GRB7: variants seen among roughly 807,000 people sequenced by gnomAD.
GRB7 encodes the protein growth factor receptor-bound protein 7.
Under a neutral mutation model 64.1 loss-of-function variants are expected in GRB7, and 47 were observed. The ratio of observed to expected loss-of-function variants is 0.73; its 90% CI spans 0.58 to 0.94. GRB7 has a LOEUF of 0.94. Among genes scored for constraint, GRB7 ranks in the 40% least tolerant of loss-of-function variants. GRB7 has a pLI of 0.00. For synonymous variants in GRB7, 277 were observed against 279.9 expected (o/e 0.99, Z 0.10); for missense variants, 634 against 718.4 (o/e 0.88, Z 1.34).
chr17:39,739,632 C>T (rs1001206981), intron 1 of GRB7, among the ~76,000 whole-genome samples: 5 of 152,254 alleles, frequency 3.3e-5, no homozygotes, highest in Admixed American at 2.0e-4. Context: ...ACACCGGGCC[C>T]CGCCACCTGC....
At chr17:39,745,673 T>A in intron 11 of GRB7, 55 bp from the exon 12 acceptor site, 1 of 1,593,346 alleles carries the variant, frequency 6.3e-7, no homozygotes, top group South Asian at 1.1e-5. Context: ...CCTGAGGTGC[T>A]GGGTAATGCC....
At position 39,745,332 on chromosome 17, in the gene GRB7, G is replaced by A; in HGVS notation, c.1092+9G>A. ...TGGGCTCCCCACCCTTGGTGAGTGT[G>A]CCCAAGGGGATGGGAGGGTGGGTAT... On this transcript the variant is annotated intron_variant, in intron 10 of 14. Coordinates refer to ENST00000309156, the MANE Select transcript of GRB7 (RefSeq NM_005310.5). 2 of 1,603,094 alleles carry A rather than the reference G, an allele frequency of 1.2e-6. No individual in the cohort carries two copies. The highest frequency in any genetic ancestry group is 1.7e-6 in the Non-Finnish European group (2 of 1,171,030).
intron 7 of GRB7, 56 bp from the exon 8 acceptor site, chr17:39,744,496 GA>G: frequency 1.4e-6 from 2 of 1,380,276 alleles, no homozygotes; most frequent in African/African-American, 1.4e-5. Flanking sequence ...CTTGTGGGGG[GA>G]GGTAATAGTG....
chr17:39,746,460 T>C (rs576390899), intron 14 of GRB7, among the ~76,000 whole-genome samples: 1 of 151,732 alleles, frequency 6.6e-6, no homozygotes, highest in Admixed American at 6.6e-5. Flanking sequence ...CTACAAATAA[T>C]TTAAAAATGA....
rs1056005895 is a variant in GRB7 at position 39,746,811 on chromosome 17, C to T, written c.1513C>T (p.Leu505=). The change falls in exon 15 of 15, where the codon CTG becomes TTG. Residue 505 remains leucine (L), a synonymous_variant. Transcript: ENST00000309156. ...MDDGQTRFTD[L]LQLVEFHQLN... is the part of the protein sequence containing the mutation. ...TGATGGCCAGACCCGCTTCACTGACCTGCTGCAGCTCGTGGAGTTCCACCA... is the reference window on the plus strand; with the variant it reads ...TGATGGCCAGACCCGCTTCACTGACTTGCTGCAGCTCGTGGAGTTCCACCA... 5 of 1,613,888 alleles carry T rather than the reference C, an allele frequency of 3.1e-6. No individual in the cohort carries two copies. The African/African-American group carries it at 6.7e-5, about 22-fold the overall frequency.
chr17:39,744,885 G>A lies in GRB7; in HGVS notation c.913-1G>A. 1 of 1,613,460 alleles carries A rather than the reference G, an allele frequency of 6.2e-7. No homozygotes were observed. The highest frequency in any genetic ancestry group is 1.7e-4 in the Middle Eastern group (1 of 6,060). ...GACCAGTCAATTTCCTCTCTCTGCA[G>A]CCCAACAAGCTTCGAAATGGCCACA... On this transcript the variant is annotated splice_acceptor_variant, in intron 8 of 14. Transcript: ENST00000309156. LOFTEE classifies it high-confidence loss of function.
At chr17:39,742,513 G>A in intron 2 of GRB7, 53 bp from the exon 3 acceptor site, 2 of 1,612,906 alleles carry the variant, frequency 1.2e-6, no homozygotes, top group Non-Finnish European at 1.7e-6. Context: ...ACAGAGGCTT[G>A]CAGGCCACTG....
rs1490465764 is a variant in GRB7 at position 39,742,810 on chromosome 17, T to C, written c.307-88T>C. The C allele has an allele frequency of 5.0e-5, 76 of 1,525,380 alleles. 1 individual carries two copies. The Admixed American group carries it at 1.6e-3, about 32-fold the overall frequency. The allele number at this position is 1,525,380 out of a possible 1,614,324, so 94.5% of individuals were successfully genotyped here. A position where few individuals can be genotyped will look rare whatever the true frequency, so the allele number is the denominator to read the frequency against. ...TTCCATGGAGGCAGGGGATCTTGGT[T>C]AGGAGTCCCTGAGGGTCTAGCAGGT... is the stretch of plus-strand genomic sequence containing the variant. On this transcript the variant is annotated intron_variant, in intron 3 of 14. Coordinates refer to ENST00000309156, the MANE Select transcript of GRB7 (RefSeq NM_005310.5).
chr17:39,745,193 C>A, intron 9 of GRB7, 50 bp from the exon 10 acceptor site: 1 of 1,473,540 alleles, frequency 6.8e-7, no homozygotes, highest in Non-Finnish European at 9.2e-7. Context: ...GTCACAGCCA[C>A]GCCCCCAGGA....
In GRB7 at chr17:39,741,320, AGGATGGCCTG is replaced by A. The variant is rs537340231; in HGVS notation, c.-50-929_-50-920del. 1.3e-4 allele frequency among the ~76,000 whole-genome samples: 20 copies of A among 152,252 alleles called. 1 individual carries two copies. The South Asian group carries it at 4.1e-3, about 32-fold the overall frequency. On this transcript the variant is annotated intron_variant, in intron 1 of 14. Transcript: ENST00000309156. ...GGGCTTCAGGAAAGAGTTGGGCAGG[AGGATGGCCTG>A]GGGAGGGTACGCAAGGTTTGGGGGC...
At position 39,745,458 on chromosome 17, in the gene GRB7, T is replaced by C; in HGVS notation, c.1129T>C (p.Phe377Leu). Residue 377 changes from phenylalanine to leucine, a missense_variant, in exon 11 of 15, where the codon TTC becomes CTC. Physicochemically the swap from Phe to Leu is conservative, Grantham distance 22 (BLOSUM62 0). Coordinates refer to ENST00000309156, the MANE Select transcript of GRB7 (RefSeq NM_005310.5). ...ASDNTLVAMD[F>L]SGHAGRVIEN... ...AGATAATACCCTGGTGGCCATGGAC[T>C]TCTCTGGCCATGCTGGGCGTGTCAT... 2 of 1,614,094 alleles carry C rather than the reference T, an allele frequency of 1.2e-6. No individual in the cohort carries two copies. Among genetic ancestry groups the C allele is most frequent in the Non-Finnish European group, 1.7e-6 (2 of 1,179,998 alleles).
chr17:39,743,342 T>C (rs945747389), intron 5 of GRB7, 41 bp downstream of exon 5: 1 of 1,614,108 alleles, frequency 6.2e-7, no homozygotes, highest in African/African-American at 1.3e-5. Flanking sequence ...GATGCCCTGA[T>C]CCTCAACCTG....
At chr17:39,743,951 C>A in intron 6 of GRB7, 119 bp from the exon 7 acceptor site, 1 of 1,313,578 alleles carries the variant, frequency 7.6e-7, no homozygotes, top group Non-Finnish European at 1.0e-6. Context: ...TGTGATCGTG[C>A]CACCGCACTA....
At chr17:39,745,030 TC>T (rs1567929159) in intron 9 of GRB7, 46 bp downstream of exon 9, 2 of 1,465,246 alleles carry the variant, frequency 1.4e-6, no homozygotes, top group East Asian at 2.3e-5. Context: ...GCCAGAGGGA[TC>T]CCCAGCTCTG....
chr17:39,739,102 G>A, intron 1 of GRB7: 1 of 510,330 alleles, frequency 2.0e-6, no homozygotes, highest in Non-Finnish European at 3.3e-6. Flanking sequence ...CTCCCTGGCA[G>A]ATTGAGGACA....
In GRB7 at chr17:39,745,998, C is replaced by G. The variant is rs200728289; in HGVS notation, c.1356C>G (p.Asp452Glu). Residue 452 changes from aspartate (D) to glutamate (E), a missense_variant and splice_region_variant, in exon 13 of 15, where the codon GAC (aspartate) becomes GAG (glutamate). Physicochemically the swap from Asp to Glu is conservative, Grantham distance 45. Coordinates refer to ENST00000309156, the MANE Select transcript of GRB7 (RefSeq NM_005310.5). ...QRLIGQQGLV[D>E]GLFLVRESQR... ...TTATTGGACAGCAGGGCTTGGTAGA[C>G]GGGTAAGGGGCAGGGCCGGGCAACA... is the stretch of plus-strand genomic sequence containing the variant. The G allele has an allele frequency of 5.0e-6, 8 of 1,613,856 alleles. No individual in the cohort carries two copies. Among genetic ancestry groups the G allele is most frequent in the Non-Finnish European group, 6.8e-6 (8 of 1,179,920 alleles).
intron 3 of GRB7, 90 bp from the exon 4 acceptor site, chr17:39,742,808 G>A (rs1224374416): frequency 3.9e-6 from 6 of 1,525,786 alleles, no homozygotes; most frequent in African/African-American, 2.8e-5. Flanking sequence ...GGGGATCTTG[G>A]TTAGGAGTCC....
At position 39,743,185 on chromosome 17, in the gene GRB7, G is replaced by T. The variant is rs2060012191; in HGVS notation, c.469G>T (p.Gly157Cys). The change falls in exon 5 of 15, where the codon GGT becomes TGT. Residue 157 changes from glycine (G) to cysteine (C), a missense_variant. Transcript: ENST00000309156. ...CTTTTTGCCCTTGTCCCCAGAGCGG[G>T]GTTTGGAGGACCACGAGTCCGTGGT... ...ECHPHLALER[G>C]LEDHESVVEV... The T allele has an allele frequency of 6.2e-7, 1 of 1,614,164 alleles. No homozygotes were observed.
Position 39,745,321 on chromosome 17 carries a change from T to G in GRB7, c.1090T>G (p.Leu364Val), listed in dbSNP as rs777978711. ...TCCATCTTGTTTGGGCTCCCCACCCTTGGTGAGTGTGCCCAAGGGGATGGG... is the reference window on the plus strand; with the variant it reads ...TCCATCTTGTTTGGGCTCCCCACCCGTGGTGAGTGTGCCCAAGGGGATGGG... ...LHPSCLGSPP[L>V]RSASDNTLVA... is the part of the protein sequence containing the mutation. Residue 364 changes from leucine to valine, a missense_variant and splice_region_variant, in exon 10 of 15, where the codon TTG becomes GTG. Transcript: ENST00000309156. The G allele has an allele frequency of 3.7e-6, 6 of 1,611,502 alleles. No individual in the cohort carries two copies. The highest frequency in any genetic ancestry group is 4.2e-6 in the Non-Finnish European group (5 of 1,178,400).
Sources: allele counts gnomAD v4.1 joint callset (sites outside exome capture counted in the v4.1 genomes callset), GRCh38; gene constraint gnomAD v4.1.1; transcripts MANE v1.5; gene names NCBI Gene and HGNC (gene_info 2026-07-23, HGNC 2026-07-21).